Variants in SDK2 observed in about 807,000 individuals in gnomAD.
SDK2 encodes protein sidekick-2.
SDK2 carries 105 observed loss-of-function variants against 253.9 expected under a neutral mutation model. The ratio of observed to expected loss-of-function variants is 0.41; its 90% CI spans 0.35 to 0.49. The LOEUF is 0.49. Ranked by LOEUF, SDK2 falls within the 20% of genes least tolerant of loss-of-function variation. The pLI, the probability that SDK2 is intolerant of heterozygous loss-of-function variation, is 0.06. For missense variants in SDK2, 2,608 were observed against 3,003.0 expected (o/e 0.87, Z 3.07); for synonymous variants, 1,249 against 1,234.9 (o/e 1.01, Z -0.24).
At chr17:73,460,572 GC>G (rs1314837675) in intron 3 of SDK2, among the ~76,000 whole-genome samples, 5 of 152,152 alleles carry the variant, frequency 3.3e-5, no homozygotes, top group Admixed American at 6.5e-5. Flanking sequence ...AATATTGGAA[GC>G]CTACATATTT....
chr17:73,476,345 ATG>A (rs2063685839), intron 2 of SDK2, among the ~76,000 whole-genome samples: 1 of 152,248 alleles, frequency 6.6e-6, no homozygotes, highest in African/African-American at 2.4e-5. Flanking sequence ...ATACTCCAGA[ATG>A]TGTTATCTCC....
At chr17:73,389,385 C>T (rs557330504) in intron 29 of SDK2, among the ~76,000 whole-genome samples, 2 of 151,956 alleles carry the variant, frequency 1.3e-5, no homozygotes, top group Non-Finnish European at 2.9e-5. Flanking sequence ...GGTTTCACCA[C>T]GTTGGCCAGG....
chr17:73,547,665 C>G (rs1194839127), intron 1 of SDK2, among the ~76,000 whole-genome samples: 1 of 152,180 alleles, frequency 6.6e-6, no homozygotes, highest in Admixed American at 6.5e-5. Flanking sequence ...CCTTCAAGCT[C>G]TTGGTCAGAA....
chr17:73,640,441 G>T (rs578104329), intron 1 of SDK2, among the ~76,000 whole-genome samples: 91 of 152,108 alleles, frequency 6.0e-4, no homozygotes, highest in African/African-American at 2.1e-3. Flanking sequence ...GGACTCCCCC[G>T]CGGAAGCCAA....
chr17:73,483,271 G>A (rs949079317), intron 2 of SDK2, among the ~76,000 whole-genome samples: 3 of 150,206 alleles, frequency 2.0e-5, no homozygotes, highest in African/African-American at 7.4e-5. Flanking sequence ...AGAGTGGGGC[G>A]ACCCGCGGAC....
chr17:73,580,704 G>A (rs1336848630), intron 1 of SDK2, among the ~76,000 whole-genome samples: 1 of 152,264 alleles, frequency 6.6e-6, no homozygotes, highest in Non-Finnish European at 1.5e-5. Context: ...AAGGAAAAAG[G>A]TTGGTATTTT....
chr17:73,472,274 G>T, intron 2 of SDK2, 56 bp from the exon 3 acceptor site: 1 of 1,319,152 alleles, frequency 7.6e-7, no homozygotes, highest in Non-Finnish European at 1.1e-6. Flanking sequence ...GGGGTACAGA[G>T]GTCAGATTGG....
chr17:73,476,337 A>T (rs1049540849), intron 2 of SDK2, among the ~76,000 whole-genome samples: 21 of 152,150 alleles, frequency 1.4e-4, no homozygotes, highest in African/African-American at 3.6e-4. Context: ...CAAGACGGAT[A>T]CTCCAGAATG....
chr17:73,559,701 G>C (rs931181024), intron 1 of SDK2, among the ~76,000 whole-genome samples: 4 of 151,156 alleles, frequency 2.6e-5, no homozygotes, highest in African/African-American at 7.3e-5. Context: ...GAACAGGATG[G>C]GACAGGTAAG....
chr17:73,396,070 TAG>T (rs1236274092), intron 24 of SDK2, among the ~76,000 whole-genome samples: 1 of 152,148 alleles, frequency 6.6e-6, no homozygotes, highest in Non-Finnish European at 1.5e-5. Flanking sequence ...CTAAGTTTTG[TAG>T]AGACGAGGTT....
At chr17:73,633,684 T>G (rs1310885894) in intron 1 of SDK2, among the ~76,000 whole-genome samples, 1 of 152,218 alleles carries the variant, frequency 6.6e-6, no homozygotes, top group Non-Finnish European at 1.5e-5. Context: ...GAAGGGTTAT[T>G]ATCTAAACTC....
rs146387033 is a variant in SDK2, at chr17:73,435,862, C to T, written c.1001-218G>A. On this transcript the variant is annotated intron_variant, in intron 8 of 44. Coordinates refer to ENST00000392650, the MANE Select transcript of SDK2 (RefSeq NM_001144952.2). The surrounding 1 kb of genome is among the most constrained non-coding windows in gnomAD (Gnocchi z 5.7). ...AAAGTCTTTGGGACAGAGTAAAGAT[C>T]CGGGAATCAGTTTAGCATGGAAACT... Among the ~76,000 whole-genome samples, 7 of 152,222 alleles carry T rather than the reference C, an allele frequency of 4.6e-5. No homozygotes were observed. In the East Asian group the frequency reaches 1.2e-3, roughly 25 times the overall value.
At chr17:73,340,638 C>T (rs112825665) in intron 44 of SDK2, among the ~76,000 whole-genome samples, 11 of 150,000 alleles carry the variant, frequency 7.3e-5, no homozygotes, top group African/African-American at 2.7e-4. Flanking sequence ...TGCCTGTCCA[C>T]GTGTGATCCA....
chr17:73,346,085 A>G (rs1371269373), intron 44 of SDK2, among the ~76,000 whole-genome samples: 4 of 152,090 alleles, frequency 2.6e-5, no homozygotes, highest in Non-Finnish European at 5.9e-5. Context: ...ACACGCGTGT[A>G]ATCCCAGCCA....
At chr17:73,506,875 C>T (rs755181529) in intron 2 of SDK2, among the ~76,000 whole-genome samples, 12 of 152,204 alleles carry the variant, frequency 7.9e-5, no homozygotes, top group Non-Finnish European at 1.6e-4. Flanking sequence ...GGCAATGTCC[C>T]GGCAGGGAAA....
chr17:73,558,430 G>A (rs1242837518), intron 1 of SDK2, among the ~76,000 whole-genome samples: 1 of 149,242 alleles, frequency 6.7e-6, no homozygotes, highest in Non-Finnish European at 1.5e-5. Context: ...AGGAGGGAGG[G>A]AGGAAGGGAG....
In SDK2 at chr17:73,511,912, GGT is replaced by G. The variant is rs140917260; in HGVS notation, c.65-4317_65-4316del. ...ATGTGTGCACGTGTTTATGTGTGCA[GGT>G]GTGTGTGTGTGCAGGTGTGTCTGCA... On this transcript the variant is annotated intron_variant, in intron 1 of 44. Coordinates refer to ENST00000392650, the MANE Select transcript of SDK2 (RefSeq NM_001144952.2). This position sits in a 1 kb window ranked among gnomAD's most constrained non-coding sequence, Gnocchi z 4.9. 6.6e-5 allele frequency among the ~76,000 whole-genome samples: 10 copies of G among 151,990 alleles called. No individual in the cohort carries two copies. The highest frequency in any genetic ancestry group is 1.5e-4 in the African/African-American group (6 of 41,366).
intron 1 of SDK2, among the ~76,000 whole-genome samples, chr17:73,596,608 G>A (rs930213915): frequency 1.8e-4 from 27 of 152,102 alleles, no homozygotes; most frequent in African/African-American, 6.3e-4. Context: ...ACATGTCCCC[G>A]GAACCCACAG....
intron 2 of SDK2, chr17:73,504,236 A>ATGTG (rs2063914254): frequency 4.9e-4 from 45 of 91,646 alleles, no homozygotes; most frequent in African/African-American, 1.8e-3. Context: ...GAGAGAGAGA[A>ATGTG]AGTGTGTGTG....
Sources: gnomAD v4.1 joint callset for allele counts (sites outside exome capture counted in the v4.1 genomes callset) on GRCh38, gnomAD v4.1.1 for gene constraint, Gnocchi (gnomAD v3.1) non-coding constraint, MANE v1.5 for transcripts, NCBI Gene and HGNC (gene_info 2026-07-23, HGNC 2026-07-21) for gene names.